CEP70: variants seen among roughly 807,000 people sequenced by gnomAD.
CEP70 encodes centrosomal protein of 70 kDa.
A neutral mutation model predicts 90.9 loss-of-function variants in CEP70; 70 were observed. That is an observed-to-expected ratio of 0.77 (90% confidence interval 0.64 to 0.94). The LOEUF (loss-of-function observed/expected upper bound fraction) is 0.94, where lower values mean the gene tolerates loss of function less well. Among genes scored for constraint, CEP70 ranks in the 40% least tolerant of loss-of-function variants. CEP70 has a pLI of 0.00. For synonymous variants in CEP70, 220 were observed against 228.3 expected, an observed-to-expected ratio of 0.96 and a Z score of 0.33; for missense variants, 648 against 669.0, an observed-to-expected ratio of 0.97 and a Z score of 0.35.
In CEP70 at chr3:138,494,443, C is replaced by G. The variant is rs2033848738; in HGVS notation, c.*572G>C. The stretch of plus-strand genomic sequence containing the variant: ...AAGACACTTTTTAAATGAGAGACTT[C>G]TATCTACTCATCCATTTTACCCTAT... On this transcript the variant is annotated 3_prime_UTR_variant, in exon 18 of 18. Transcript: ENST00000264982. 6.6e-6 allele frequency: 1 copy of G among 152,226 alleles called. No individual in the cohort carries two copies. Among genetic ancestry groups the G allele is most frequent in the South Asian group, 2.1e-4 (1 of 4,830 alleles). The allele number at this position is 152,226 out of a possible 1,614,324, so 9.4% of individuals were successfully genotyped here.
intron 2 of CEP70, among the ~76,000 whole-genome samples, chr3:138,576,127 A>C (rs2041507293): frequency 6.6e-6 from 1 of 152,240 alleles, no homozygotes; most frequent in Non-Finnish European, 1.5e-5. Flanking sequence ...TAAATGGGCT[A>C]AATGCCCCAA....
At chr3:138,545,157 A>C (rs1470021673) in intron 6 of CEP70, among the ~76,000 whole-genome samples, 1 of 152,236 alleles carries the variant, frequency 6.6e-6, no homozygotes, top group African/African-American at 2.4e-5. Flanking sequence ...ATATGTCAAA[A>C]TATCTCATGT....
rs1394292897 is a variant in CEP70 at position 138,519,502 on chromosome 3, A to G, written c.944+5988T>C. ...TCATCTCTCAGCAGAAACTCTACAA[A>G]CCAGAAGAGAGTGGGGGGCAATATT... On this transcript the variant is annotated intron_variant, in intron 11 of 17. Coordinates refer to ENST00000264982, the MANE Select transcript of CEP70 (RefSeq NM_024491.4). 2.0e-5 allele frequency among the ~76,000 whole-genome samples: 3 copies of G among 152,308 alleles called. No homozygotes were observed. The East Asian group carries it at 5.8e-4, about 29-fold the overall frequency.
At chr3:138,589,342 T>C (rs1485468551) in intron 2 of CEP70, among the ~76,000 whole-genome samples, 1 of 152,076 alleles carries the variant, frequency 6.6e-6, no homozygotes, top group Non-Finnish European at 1.5e-5. Context: ...TCTAATATTA[T>C]TAGCAGACTT....
At chr3:138,560,549 T>A (rs539747400) in intron 6 of CEP70, among the ~76,000 whole-genome samples, 1 of 151,900 alleles carries the variant, frequency 6.6e-6, no homozygotes, top group East Asian at 1.9e-4. Context: ...GAAAGGGGAC[T>A]GAAGCCAGGG....
chr3:138,544,787 T>G (rs1158789763), intron 6 of CEP70, among the ~76,000 whole-genome samples: 2 of 152,122 alleles, frequency 1.3e-5, no homozygotes, highest in African/African-American at 4.8e-5. Context: ...GGTCATTACG[T>G]TAAATGAAAT....
At chr3:138,540,243 C>T (rs1196680973) in intron 6 of CEP70, among the ~76,000 whole-genome samples, 1 of 151,820 alleles carries the variant, frequency 6.6e-6, no homozygotes, top group Non-Finnish European at 1.5e-5. Context: ...GCCTGTAATC[C>T]CAACACTTTG....
intron 13 of CEP70, among the ~76,000 whole-genome samples, chr3:138,501,797 G>A (rs745520460): frequency 1.3e-5 from 2 of 152,194 alleles, no homozygotes; most frequent in Non-Finnish European, 2.9e-5. Context: ...TTCCTAGTCC[G>A]AAAATCTGAA....
intron 11 of CEP70, among the ~76,000 whole-genome samples, chr3:138,519,345 C>T (rs1310982662): frequency 6.6e-6 from 1 of 152,138 alleles, no homozygotes; most frequent in Non-Finnish European, 1.5e-5. Context: ...CACAAAGATA[C>T]TCCTCGAGAA....
At chr3:138,500,686 GT>G (rs2034425648) in intron 14 of CEP70, 48 bp downstream of exon 14, 1 of 1,516,508 alleles carries the variant, frequency 6.6e-7, no homozygotes, top group Non-Finnish European at 8.9e-7. Flanking sequence ...CAATTTATCA[GT>G]TTTTGAGATA....
Position 138,497,715 on chromosome 3 carries a change from A to G in CEP70, c.1732+316T>C, listed in dbSNP as rs113147991. ...AAGGAGGGAGGAAGGACCTTCTAAGATCATAAATCCTAAGAATATTTCTCA... is the reference window on the plus strand; with the variant it reads ...AAGGAGGGAGGAAGGACCTTCTAAGGTCATAAATCCTAAGAATATTTCTCA... On this transcript the variant is annotated intron_variant, in intron 17 of 17. Transcript: ENST00000264982. 1.0e-4 allele frequency: 100 copies of G among 985,400 alleles called. 2 individuals carry two copies. The African/African-American group carries it at 1.4e-3, about 14-fold the overall frequency. 61.0% of individuals were successfully genotyped at this position (985,400 alleles called of 1,614,324 possible).
chr3:138,540,855 A>G (rs1346064214), intron 6 of CEP70, among the ~76,000 whole-genome samples: 3 of 152,222 alleles, frequency 2.0e-5, no homozygotes, highest in Non-Finnish European at 4.4e-5. Context: ...ATACTCATCA[A>G]TGGTAGACTG....
chr3:138,593,342 C>T lies in CEP70; in HGVS notation c.-109+856G>A, dbSNP rs2042480983. ...AGTTCAAGCGATTCTGCTGCCTCAC[C>T]CGCCCGAGTAGCTGGGATTACAGGC... On this transcript the variant is annotated intron_variant, in intron 1 of 17. Transcript: ENST00000264982. Among the ~76,000 whole-genome samples, 3 of 152,240 alleles carry T rather than the reference C, an allele frequency of 2.0e-5. No individual in the cohort carries two copies. In the South Asian group the frequency reaches 6.2e-4, roughly 32 times the overall value.
rs576501252 is a variant in CEP70, at chr3:138,549,782, C to CAA, written c.466-12437_466-12436dup. ...GTGTAAAAATAGCGCATTAAACAAC[C>CAA]AAAACTAAAAATCCTCACAGAGTCC... On this transcript the variant is annotated intron_variant, in intron 6 of 17. Coordinates refer to ENST00000264982, the MANE Select transcript of CEP70 (RefSeq NM_024491.4). Among the ~76,000 whole-genome samples the CAA allele has an allele frequency of 3.9e-5, 6 of 152,130 alleles. No individual in the cohort carries two copies. The South Asian group carries it at 1.2e-3, about 32-fold the overall frequency.
intron 2 of CEP70, among the ~76,000 whole-genome samples, chr3:138,584,235 C>G (rs1052989400): frequency 8.6e-5 from 13 of 151,882 alleles, no homozygotes; most frequent in African/African-American, 3.1e-4. Context: ...AATCCAAAAC[C>G]TGAACAGACC....
intron 8 of CEP70, among the ~76,000 whole-genome samples, chr3:138,531,853 A>T (rs1487366318): frequency 6.6e-6 from 1 of 152,090 alleles, no homozygotes; most frequent in East Asian, 1.9e-4. Flanking sequence ...TGAAGAATTT[A>T]TCTGCTTTAT....
rs1576531462 is a variant in CEP70 at position 138,504,283 on chromosome 3, A to AGG, written c.1221+1011_1221+1012insCC. 4.6e-5 allele frequency among the ~76,000 whole-genome samples: 7 copies of AGG among 152,344 alleles called. No homozygotes were observed. The East Asian group carries it at 1.3e-3, about 29-fold the overall frequency. ...CAATCAAAATGTTTATGTATTGTATAGCTCTGTCTGAGCCCTATATAAAAA... is the reference window on the plus strand; with the variant it reads ...CAATCAAAATGTTTATGTATTGTATAGGGCTCTGTCTGAGCCCTATATAAAAA... On this transcript the variant is annotated intron_variant, in intron 13 of 17. Transcript: ENST00000264982.
chr3:138,544,270 C>T (rs1328214046), intron 6 of CEP70, among the ~76,000 whole-genome samples: 3 of 151,072 alleles, frequency 2.0e-5, no homozygotes, highest in Non-Finnish European at 4.4e-5. Context: ...AAGAAAATCA[C>T]TTGACCACAA....
intron 3 of CEP70, among the ~76,000 whole-genome samples, chr3:138,571,979 C>T (rs980661859): frequency 1.3e-5 from 2 of 152,146 alleles, no homozygotes; most frequent in African/African-American, 4.8e-5. Flanking sequence ...GGGGTTTCAC[C>T]GTGTTAGCCA....
Sources: gnomAD v4.1 joint callset for allele counts (sites outside exome capture counted in the v4.1 genomes callset) on GRCh38, gnomAD v4.1.1 for gene constraint, MANE v1.5 for transcripts, NCBI Gene and HGNC (gene_info 2026-07-23, HGNC 2026-07-21) for gene names.